Variants in ADAM29 observed in about 807,000 individuals in gnomAD.
The protein encoded by ADAM29 is ADAM metallopeptidase domain 29, also known as disintegrin and metalloproteinase domain-containing protein 29.
For synonymous variants in ADAM29, 367 were observed against 342.3 expected (o/e 1.07, Z -0.80); for missense variants, 969 against 1,001.8 (o/e 0.97, Z 0.44).
intron 3 of ADAM29, among the ~76,000 whole-genome samples, chr4:174,936,107 G>A (rs184512010): frequency 1.1e-4 from 16 of 152,126 alleles, no homozygotes; most frequent in Admixed American, 7.2e-4. Flanking sequence ...AATAAATAAT[G>A]GCATTGTAGA....
At chr4:174,967,583 T>G (rs1340873640) in intron 4 of ADAM29, among the ~76,000 whole-genome samples, 1 of 152,160 alleles carries the variant, frequency 6.6e-6, no homozygotes, top group Non-Finnish European at 1.5e-5. Flanking sequence ...GATTTGATGA[T>G]GAAAGGGGAA....
At position 174,931,157 on chromosome 4, in the gene ADAM29, T is replaced by C. The variant is rs909535121; in HGVS notation, c.-279T>C. On this transcript the variant is annotated 5_prime_UTR_variant, in exon 3 of 5. Transcript: ENST00000359240. ...TCTTTGCGTGGAATCAGACCTCTTT[T>C]GCAGTGGAAAGGAGCAGGTAAAACA... The C allele has an allele frequency of 2.0e-5, 3 of 152,218 alleles. No individual in the cohort carries two copies. The highest frequency in any genetic ancestry group is 4.4e-5 in the Non-Finnish European group (3 of 68,066). The allele number at this position is 152,218 out of a possible 1,614,324, so 9.4% of individuals were successfully genotyped here. A position where few individuals can be genotyped will look rare whatever the true frequency, so the allele number is the denominator to read the frequency against.
chr4:174,926,086 T>A (rs962849528), intron 2 of ADAM29, among the ~76,000 whole-genome samples: 1 of 152,198 alleles, frequency 6.6e-6, no homozygotes, highest in African/African-American at 2.4e-5. Flanking sequence ...GCAAAACCAC[T>A]GAAGTATTTT....
intron 4 of ADAM29, among the ~76,000 whole-genome samples, chr4:174,938,833 G>A (rs1744349924): frequency 6.6e-6 from 1 of 152,124 alleles, no homozygotes; most frequent in Non-Finnish European, 1.5e-5. Flanking sequence ...AAATCCAGGT[G>A]TCGGCAGGGA....
intron 3 of ADAM29, among the ~76,000 whole-genome samples, chr4:174,932,981 G>A (rs1298020370): frequency 6.6e-6 from 1 of 152,170 alleles, no homozygotes. Context: ...TCACAGATAG[G>A]TCCCATGTGA....
chr4:174,935,715 C>T (rs1744165252), intron 3 of ADAM29, among the ~76,000 whole-genome samples: 1 of 152,010 alleles, frequency 6.6e-6, no homozygotes, highest in Non-Finnish European at 1.5e-5. Context: ...CCTTCAAATA[C>T]TTAACACAGT....
chr4:174,931,809 C>T (rs1398076157), intron 3 of ADAM29, among the ~76,000 whole-genome samples: 2 of 129,058 alleles, frequency 1.5e-5, no homozygotes, highest in Non-Finnish European at 3.2e-5. Flanking sequence ...CAGTCTCTCT[C>T]TCTCTGTCAC....
chr4:174,922,390 A>G (rs1020784620), intron 2 of ADAM29, among the ~76,000 whole-genome samples: 3 of 152,214 alleles, frequency 2.0e-5, no homozygotes, highest in African/African-American at 7.2e-5. Context: ...ATCTGGAGAC[A>G]GGCAAATACA....
chr4:174,963,710 T>A (rs145266235), intron 4 of ADAM29, among the ~76,000 whole-genome samples: 244 of 148,844 alleles, frequency 1.6e-3, no homozygotes, highest in South Asian at 2.3e-3. Flanking sequence ...TGAGATGGAA[T>A]CTTGCTCTGT....
chr4:174,927,954 T>A (rs1036284040), intron 2 of ADAM29, among the ~76,000 whole-genome samples: 1 of 152,198 alleles, frequency 6.6e-6, no homozygotes, highest in Non-Finnish European at 1.5e-5. Context: ...CACCTTCTTT[T>A]GCTAGATTAT....
At chr4:174,918,768 A>G (rs901455004) in intron 1 of ADAM29, among the ~76,000 whole-genome samples, 1 of 152,140 alleles carries the variant, frequency 6.6e-6, no homozygotes, top group Non-Finnish European at 1.5e-5. Context: ...AAAAGAAAAA[A>G]AAACACAGGG....
At chr4:174,959,961 T>C (rs1001354370) in intron 4 of ADAM29, among the ~76,000 whole-genome samples, 18 of 152,048 alleles carry the variant, frequency 1.2e-4, no homozygotes, top group Admixed American at 3.3e-4. Context: ...TGCGTTTTCT[T>C]TGTAACAATG....
At chr4:174,949,559 G>A (rs1457701341) in intron 4 of ADAM29, among the ~76,000 whole-genome samples, 1 of 152,042 alleles carries the variant, frequency 6.6e-6, no homozygotes, top group East Asian at 1.9e-4. Flanking sequence ...TATCTACCCT[G>A]TGCAGGGTTC....
At chr4:174,928,569 T>TAAAAAAAAA (rs70947474) in intron 2 of ADAM29, among the ~76,000 whole-genome samples, 82,872 of 130,326 alleles carry the variant, frequency 0.64, 29,130 homozygotes, top group Non-Finnish European at 0.77. Flanking sequence ...GTCATGTGCT[T>TAAAAAAAAA]AAAAAAAAAA....
chr4:174,920,546 A>G (rs1184533483), intron 1 of ADAM29, 141 bp from the exon 2 acceptor site: 2 of 152,114 alleles, frequency 1.3e-5, no homozygotes, highest in African/African-American at 4.8e-5. Flanking sequence ...TTTAATCTTG[A>G]TTTGTTTGTA....
At chr4:174,949,672 T>A (rs936917138) in intron 4 of ADAM29, among the ~76,000 whole-genome samples, 1 of 152,106 alleles carries the variant, frequency 6.6e-6, no homozygotes, top group Middle Eastern at 3.4e-3. Context: ...CTGCCCCGTA[T>A]CACAGTCTCT....
At chr4:174,919,265 A>G (rs565051759) in intron 1 of ADAM29, among the ~76,000 whole-genome samples, 1 of 152,328 alleles carries the variant, frequency 6.6e-6, no homozygotes, top group Admixed American at 6.5e-5. Context: ...TTTCTGAAAG[A>G]TCATAACCAT....
chr4:174,961,655 A>G (rs887525417), intron 4 of ADAM29, among the ~76,000 whole-genome samples: 1 of 152,176 alleles, frequency 6.6e-6, no homozygotes, highest in Non-Finnish European at 1.5e-5. Context: ...TACCTAAGAA[A>G]AAAAGATCTA....
chr4:174,976,923 G>A lies in ADAM29; in HGVS notation c.1398G>A (p.Glu466=), dbSNP rs752071287. The A allele has an allele frequency of 4.3e-6, 7 of 1,614,180 alleles. No individual in the cohort carries two copies. The highest frequency in any genetic ancestry group is 5.9e-6 in the Non-Finnish European group (7 of 1,180,030). The change falls in exon 5 of 5, where the codon GAG becomes GAA. Residue 466 remains glutamate (E), a synonymous_variant. Coordinates refer to ENST00000359240, the MANE Select transcript of ADAM29 (RefSeq NM_014269.4). ...AGGTCAATGAATGTGATCTTCCAGA[G>A]TGGTGCAATGGTACTTCCCATAAGT... The part of the protein sequence containing the change: ...RKEVNECDLP[E]WCNGTSHKCP...
Sources: gnomAD v4.1 joint callset for allele counts (sites outside exome capture counted in the v4.1 genomes callset) on GRCh38, gnomAD v4.1.1 for gene constraint, MANE v1.5 for transcripts, NCBI Gene and HGNC (gene_info 2026-07-23, HGNC 2026-07-21) for gene names.